GRIN2A: variants seen among roughly 807,000 people sequenced by gnomAD.
The protein encoded by GRIN2A is glutamate receptor ionotropic, NMDA 2A.
GRIN2A carries 22 observed loss-of-function variants against 113.4 expected under a neutral mutation model. That is an observed-to-expected ratio of 0.19 (90% CI 0.14 to 0.28). The LOEUF (loss-of-function observed/expected upper bound fraction) is 0.28. Among genes scored for constraint, GRIN2A ranks in the 10% least tolerant of loss-of-function variants. The pLI is 1.00. For synonymous variants in GRIN2A, 827 were observed against 738.4 expected, an observed-to-expected ratio of 1.12 and a Z score of -1.94; for missense variants, 1,502 against 1,887.0, an observed-to-expected ratio of 0.80 and a Z score of 3.78.
At chr16:9,832,072 T>C (rs1186011845) in intron 8 of GRIN2A, among the ~76,000 whole-genome samples, 1 of 150,974 alleles carries the variant, frequency 6.6e-6, no homozygotes. Flanking sequence ...GCACGCATCA[T>C]CACGCCAGGC....
chr16:9,847,316 G>A (rs2042790167), intron 5 of GRIN2A, among the ~76,000 whole-genome samples: 1 of 152,022 alleles, frequency 6.6e-6, no homozygotes, highest in African/African-American at 2.4e-5. Context: ...CAGTGACTCA[G>A]GAGGCCAAGG....
At chr16:10,135,514 G>C (rs955701138) in intron 2 of GRIN2A, among the ~76,000 whole-genome samples, 1 of 152,152 alleles carries the variant, frequency 6.6e-6, no homozygotes, top group Non-Finnish European at 1.5e-5. Context: ...ACAATTCCAA[G>C]GCCACTGCCA....
At chr16:9,802,490 T>TA (rs1903423549) in intron 10 of GRIN2A, among the ~76,000 whole-genome samples, 1 of 152,098 alleles carries the variant, frequency 6.6e-6, no homozygotes, top group Non-Finnish European at 1.5e-5. Flanking sequence ...ATAATCACTT[T>TA]AAAAAAAGAG....
intron 2 of GRIN2A, among the ~76,000 whole-genome samples, chr16:9,997,586 T>C (rs1175565492): frequency 3.3e-5 from 5 of 152,222 alleles, no homozygotes; most frequent in Non-Finnish European, 7.3e-5. Context: ...TCGACCATTC[T>C]TGTGTTACAT....
intron 2 of GRIN2A, among the ~76,000 whole-genome samples, chr16:10,168,529 C>G (rs2049969872): frequency 6.6e-6 from 1 of 152,204 alleles, no homozygotes; most frequent in Admixed American, 6.5e-5. Flanking sequence ...AATTTTCCAC[C>G]TCATTCCTGA....
chr16:10,064,309 T>A (rs1159539125), intron 2 of GRIN2A, among the ~76,000 whole-genome samples: 1 of 152,194 alleles, frequency 6.6e-6, no homozygotes, highest in East Asian at 1.9e-4. Flanking sequence ...CCCAGGCACC[T>A]CACTTCGTTC....
intron 2 of GRIN2A, among the ~76,000 whole-genome samples, chr16:9,946,497 T>A (rs1323340105): frequency 1.3e-5 from 2 of 152,176 alleles, no homozygotes; most frequent in African/African-American, 4.8e-5. Context: ...CAGATCCCTT[T>A]TTTTTCATGA....
At chr16:10,095,346 T>G (rs184595852) in intron 2 of GRIN2A, among the ~76,000 whole-genome samples, 1 of 152,324 alleles carries the variant, frequency 6.6e-6, no homozygotes, top group Admixed American at 6.5e-5. Flanking sequence ...AGAGCCAGGT[T>G]GAGGTGCTGA....
chr16:10,108,275 G>A (rs1303529091), intron 2 of GRIN2A, among the ~76,000 whole-genome samples: 3 of 152,296 alleles, frequency 2.0e-5, no homozygotes, highest in South Asian at 2.1e-4. Flanking sequence ...GCTTGTGCAG[G>A]AGAATTCCTC....
At chr16:9,788,580 T>TATTA (rs1902387445) in intron 11 of GRIN2A, among the ~76,000 whole-genome samples, 2 of 151,796 alleles carry the variant, frequency 1.3e-5, no homozygotes, top group African/African-American at 4.8e-5. Flanking sequence ...CTTTATCCTT[T>TATTA]ATTATTACCA....
In GRIN2A at chr16:9,822,968, C is replaced by T. The variant is rs563497396; in HGVS notation, c.2008-544G>A. 9.5e-4 allele frequency among the ~76,000 whole-genome samples: 145 copies of T among 152,320 alleles called. 1 individual carries two copies. Among genetic ancestry groups the T allele is most frequent in the Non-Finnish European group, 1.7e-3 (118 of 68,028 alleles). On this transcript the variant is annotated intron_variant, in intron 9 of 12. Coordinates refer to ENST00000330684, the MANE Select transcript of GRIN2A (RefSeq NM_001134407.3). The stretch of plus-strand genomic sequence containing the variant: ...TTCTCCACTCACTCAGTCATTCATT[C>T]ACTCCTGCAGGCACTATTTATCTAG...
chr16:9,862,592 A>G (rs2043089942), intron 4 of GRIN2A, among the ~76,000 whole-genome samples: 1 of 152,200 alleles, frequency 6.6e-6, no homozygotes, highest in South Asian at 2.1e-4. Flanking sequence ...TTCATGTATA[A>G]TCTTCAGTCC....
intron 2 of GRIN2A, among the ~76,000 whole-genome samples, chr16:9,981,586 G>T (rs78987043): frequency 0.013 from 2,012 of 152,108 alleles, 44 homozygotes; most frequent in African/African-American, 0.046. Flanking sequence ...AAATATTTCA[G>T]TATACATCTC....
At chr16:10,065,920 G>C (rs1038453279) in intron 2 of GRIN2A, among the ~76,000 whole-genome samples, 7 of 152,052 alleles carry the variant, frequency 4.6e-5, no homozygotes, top group African/African-American at 7.2e-5. Context: ...TGGAAACATG[G>C]GTCTCTTACG....
At chr16:9,803,603 C>A (rs780854387) in intron 10 of GRIN2A, among the ~76,000 whole-genome samples, 14 of 152,276 alleles carry the variant, frequency 9.2e-5, no homozygotes, top group Non-Finnish European at 1.3e-4. Flanking sequence ...TTTTATGGAT[C>A]CTATAGGAGA....
chr16:9,923,680 T>C (rs1014329937), intron 3 of GRIN2A, among the ~76,000 whole-genome samples: 1 of 152,226 alleles, frequency 6.6e-6, no homozygotes, highest in Non-Finnish European at 1.5e-5. Flanking sequence ...AAGTATACCA[T>C]AAGACCTTCA....
At chr16:9,888,204 G>T (rs916554807) in intron 4 of GRIN2A, among the ~76,000 whole-genome samples, 1 of 152,146 alleles carries the variant, frequency 6.6e-6, no homozygotes, top group African/African-American at 2.4e-5. Flanking sequence ...GCCTCCCAAA[G>T]TGTTGGAATT....
intron 3 of GRIN2A, among the ~76,000 whole-genome samples, chr16:9,918,982 G>A (rs965887331): frequency 1.3e-5 from 2 of 152,060 alleles, no homozygotes; most frequent in African/African-American, 4.8e-5. Context: ...AAACTATCCT[G>A]ACCAACATGA....
intron 2 of GRIN2A, among the ~76,000 whole-genome samples, chr16:10,072,656 A>C (rs938850455): frequency 6.6e-6 from 1 of 152,198 alleles, no homozygotes; most frequent in Non-Finnish European, 1.5e-5. Context: ...CAGTGCCTCT[A>C]AAGACGTGGT....
Sources: gnomAD v4.1 joint callset for allele counts (sites outside exome capture counted in the v4.1 genomes callset) on GRCh38, gnomAD v4.1.1 for gene constraint, MANE v1.5 for transcripts, NCBI Gene and HGNC (gene_info 2026-07-23, HGNC 2026-07-21) for gene names.